The following STEAP4 variants were observed in gnomAD, a reference collection of about 807,000 sequenced individuals.
STEAP4 encodes STEAP4 metalloreductase, also known as metalloreductase STEAP4.
STEAP4 carries 36 observed loss-of-function variants against 43.6 expected under a neutral mutation model. That is an observed-to-expected ratio of 0.83 (90% confidence interval 0.63 to 1.09). The LOEUF is 1.09. Ranked by LOEUF, STEAP4 falls within the 50% of genes least tolerant of loss-of-function variation. The pLI is 0.00. For synonymous variants in STEAP4, 191 were observed against 196.7 expected, an observed-to-expected ratio of 0.97 and a Z score of 0.24; for missense variants, 495 against 546.5, an observed-to-expected ratio of 0.91 and a Z score of 0.94.
At chr7:88,295,854 GAGGA>G (rs1256661677) in intron 1 of STEAP4, among the ~76,000 whole-genome samples, 3 of 152,158 alleles carry the variant, frequency 2.0e-5, no homozygotes, top group Non-Finnish European at 4.4e-5. Context: ...GGAAAGATAA[GAGGA>G]AGAACAGGAT....
chr7:88,279,684 A>T, intron 4 of STEAP4, 56 bp from the exon 5 acceptor site: 3 of 1,377,096 alleles, frequency 2.2e-6, no homozygotes, highest in Non-Finnish European at 3.0e-6. Flanking sequence ...TTAAAGTGAA[A>T]CACTCTAAGC....
At chr7:88,286,032 T>C (rs1041966368) in intron 1 of STEAP4, among the ~76,000 whole-genome samples, 1 of 152,174 alleles carries the variant, frequency 6.6e-6, no homozygotes. Flanking sequence ...TTTAATGTCA[T>C]AATCTCCAAG....
chr7:88,285,769 AAAAAAGAAAGAAAG>A (rs1309373915), intron 1 of STEAP4, among the ~76,000 whole-genome samples: 127 of 151,326 alleles, frequency 8.4e-4, no homozygotes, highest in African/African-American at 2.8e-3. Flanking sequence ...AAAAAAAAAA[AAAAAAGAAAGAAAG>A]AAAAGAAAAA....
At chr7:88,299,942 C>A (rs1473955670) in intron 1 of STEAP4, among the ~76,000 whole-genome samples, 3 of 152,138 alleles carry the variant, frequency 2.0e-5, no homozygotes, top group Non-Finnish European at 4.4e-5. Flanking sequence ...CCTACTTCAT[C>A]TTCTTTTGGG....
chr7:88,292,333 G>A (rs1852849080), intron 1 of STEAP4: 1 of 151,998 alleles, frequency 6.6e-6, no homozygotes, highest in Non-Finnish European at 1.5e-5. Context: ...AGAGGCTCAG[G>A]CCCTTCCAGC....
In STEAP4 at chr7:88,282,691, G is replaced by A. The variant is rs1852642004; in HGVS notation, c.934C>T (p.Pro312Ser). 6 of 1,613,898 alleles carry A rather than the reference G, an allele frequency of 3.7e-6. No individual in the cohort carries two copies. Among genetic ancestry groups the A allele is most frequent in the Non-Finnish European group, 5.1e-6 (6 of 1,180,006 alleles). ...FLHVLYTLVI[P>S]IRYYVRWRLG... Reference sequence around the variant, plus strand: ...CTCCATCGTACATAATATCGAATAGGAATCACAAGTGTGTAGAGGACATGA... The same window carrying A: ...CTCCATCGTACATAATATCGAATAGAAATCACAAGTGTGTAGAGGACATGA... Residue 312 changes from proline to serine, a missense_variant, in exon 3 of 5, where the codon CCT becomes TCT. By Grantham distance (74) the Pro-to-Ser change is moderately conservative. Transcript: ENST00000380079.
chr7:88,286,991 G>A (rs1452070872), intron 1 of STEAP4, among the ~76,000 whole-genome samples: 1 of 152,024 alleles, frequency 6.6e-6, no homozygotes, highest in Non-Finnish European at 1.5e-5. Flanking sequence ...GGAGCTACAG[G>A]CAGATACCTT....
At chr7:88,283,248 C>A in intron 2 of STEAP4, 80 bp from the exon 3 acceptor site, 1 of 1,376,700 alleles carries the variant, frequency 7.3e-7, no homozygotes, top group Admixed American at 2.6e-5. Context: ...TACAACAGCA[C>A]CATGCCAAAT....
rs1852449919 is a variant in STEAP4 at position 88,272,440 on chromosome 7, ACT to A, written c.*6956_*6957del. ...TGATGATTTTTAACTTCCAGTATAA[ACT>A]CTTTTACAAGAAGCCTTGCCTCAGG... is the stretch of plus-strand genomic sequence containing the variant. On this transcript the variant is annotated 3_prime_UTR_variant, in exon 5 of 5. Transcript: ENST00000380079. The A allele has an allele frequency of 6.6e-6, 1 of 151,756 alleles. No homozygotes were observed. The highest frequency in any genetic ancestry group is 1.5e-5 in the Non-Finnish European group (1 of 67,968). 9.4% of individuals were successfully genotyped at this position (151,756 alleles called of 1,614,324 possible).
intron 1 of STEAP4, among the ~76,000 whole-genome samples, chr7:88,291,511 A>AT (rs199931399): frequency 3.2e-5 from 4 of 124,840 alleles, no homozygotes; most frequent in African/African-American, 1.1e-4. Flanking sequence ...AAAAAAAGAA[A>AT]AGAAATAGAT....
intron 1 of STEAP4, among the ~76,000 whole-genome samples, chr7:88,295,760 C>T (rs1171040947): frequency 6.6e-6 from 1 of 152,116 alleles, no homozygotes; most frequent in Non-Finnish European, 1.5e-5. Context: ...GAAGAGCACC[C>T]GTTTTGGAGA....
In STEAP4 at chr7:88,279,232, T is replaced by A. The variant is rs1852566478; in HGVS notation, c.*166A>T. ...TAAAATGGTGTTCTCTTCCAGTATG[T>A]CAGTCAATTTCTCAAAGACAAGCAA... On this transcript the variant is annotated 3_prime_UTR_variant, in exon 5 of 5. Transcript: ENST00000380079. 1.6e-6 allele frequency: 1 copy of A among 628,728 alleles called. No homozygotes were observed. The highest frequency in any genetic ancestry group is 2.0e-5 in the South Asian group (1 of 50,986). 38.9% of individuals were successfully genotyped at this position (628,728 alleles called of 1,614,324 possible).
intron 1 of STEAP4, among the ~76,000 whole-genome samples, chr7:88,285,047 G>T (rs1345107393): frequency 6.6e-6 from 1 of 152,040 alleles, no homozygotes; most frequent in Admixed American, 6.6e-5. Context: ...AAAGAAATCA[G>T]AGGTACAGAA....
chr7:88,304,630 GT>G (rs1482050910), intron 1 of STEAP4, among the ~76,000 whole-genome samples: 2 of 151,552 alleles, frequency 1.3e-5, no homozygotes, highest in African/African-American at 4.9e-5. Context: ...GGACTACTGT[GT>G]TGCTGCTGTT....
chr7:88,271,248 G>A lies in STEAP4; in HGVS notation c.*8150C>T, dbSNP rs1852435427. 1 of 151,996 alleles carries A rather than the reference G, an allele frequency of 6.6e-6. No individual in the cohort carries two copies. Among genetic ancestry groups the A allele is most frequent in the Non-Finnish European group, 1.5e-5 (1 of 68,004 alleles). The allele number at this position is 151,996 out of a possible 1,614,324, so 9.4% of individuals were successfully genotyped here. ...TTTAATAATTAGGTAACCTACTCAT[G>A]TAATTTAAAAACCAAAATGATATGA... On this transcript the variant is annotated 3_prime_UTR_variant, in exon 5 of 5. Coordinates refer to ENST00000380079, the MANE Select transcript of STEAP4 (RefSeq NM_024636.4).
At chr7:88,283,437 G>T (rs1000216726) in intron 2 of STEAP4, 61 of 484,760 alleles carry the variant, frequency 1.3e-4, no homozygotes, top group Middle Eastern at 5.3e-4. Flanking sequence ...TGAGTAGTTT[G>T]ATCTTCTGTG....
chr7:88,279,221 C>A lies in STEAP4; in HGVS notation c.*177G>T. ...CTAACCTGAGATAAAATGGTGTTCTCTTCCAGTATGTCAGTCAATTTCTCA... is the reference window on the plus strand; with the variant it reads ...CTAACCTGAGATAAAATGGTGTTCTATTCCAGTATGTCAGTCAATTTCTCA... On this transcript the variant is annotated 3_prime_UTR_variant, in exon 5 of 5. Coordinates refer to ENST00000380079, the MANE Select transcript of STEAP4 (RefSeq NM_024636.4). 1.6e-6 allele frequency: 1 copy of A among 614,246 alleles called. No individual in the cohort carries two copies. The highest frequency in any genetic ancestry group is 2.8e-6 in the Non-Finnish European group (1 of 351,680). 38.0% of individuals were successfully genotyped at this position (614,246 alleles called of 1,614,324 possible).
intron 3 of STEAP4, chr7:88,282,147 C>CTTTTTTTT (rs202221497): frequency 6.9e-6 from 1 of 145,142 alleles, no homozygotes; most frequent in African/African-American, 2.5e-5. Context: ...TTTTTTCTTT[C>CTTTTTTTT]TTTTTTTTTT....
Position 88,279,634 on chromosome 7 carries a change from A to G in STEAP4, c.1150-6T>C. The stretch of plus-strand genomic sequence containing the variant: ...GTCAAATAACCCAGTTTGGACTATA[A>G]ACAAGAAACAAAAATATGTAAGTTA... On this transcript the variant is annotated splice_polypyrimidine_tract_variant and splice_region_variant and intron_variant, in intron 4 of 4. Coordinates refer to ENST00000380079, the MANE Select transcript of STEAP4 (RefSeq NM_024636.4). 1 of 1,597,308 alleles carries G rather than the reference A, an allele frequency of 6.3e-7. No homozygotes were observed. Among genetic ancestry groups the G allele is most frequent in the South Asian group, 1.1e-5 (1 of 89,580 alleles).
Sources: gnomAD v4.1 joint callset for allele counts (sites outside exome capture counted in the v4.1 genomes callset) on GRCh38, gnomAD v4.1.1 for gene constraint, MANE v1.5 for transcripts, NCBI Gene and HGNC (gene_info 2026-07-23, HGNC 2026-07-21) for gene names.